Variants in TAF3 observed in about 807,000 individuals in gnomAD.
The protein encoded by TAF3 is transcription initiation factor TFIID subunit 3.
A neutral mutation model predicts 80.6 loss-of-function variants in TAF3; 7 were observed. That is an observed-to-expected ratio of 0.09 (90% CI 0.05 to 0.16). TAF3 has a LOEUF of 0.16. Among genes scored for constraint, TAF3 ranks in the 10% least tolerant of loss-of-function variants. The pLI, the probability that TAF3 is intolerant of heterozygous loss-of-function variation, is 1.00. For synonymous variants in TAF3, 444 were observed against 446.1 expected (o/e 1.00, Z 0.06); for missense variants, 921 against 1,140.2 (o/e 0.81, Z 2.77).
chr10:7,859,260 CAATAAATAAATAAATA>C (rs145110594), intron 2 of TAF3, among the ~76,000 whole-genome samples: 4,311 of 134,300 alleles, frequency 0.032, 111 homozygotes, highest in East Asian at 0.099. Context: ...GACTCCATCT[CAATAAATAAATAAATA>C]AATAAATAAA....
chr10:7,963,132 C>G (rs1183823123), intron 2 of TAF3, among the ~76,000 whole-genome samples: 1 of 152,102 alleles, frequency 6.6e-6, no homozygotes, highest in African/African-American at 2.4e-5. Context: ...TGGCTCACAT[C>G]AAGCAAGCAA....
chr10:7,888,286 C>T (rs1007548675), intron 2 of TAF3, among the ~76,000 whole-genome samples: 2 of 152,198 alleles, frequency 1.3e-5, no homozygotes, highest in African/African-American at 4.8e-5. Flanking sequence ...AAGCTTTCCT[C>T]ACTCTAACCT....
intron 4 of TAF3, among the ~76,000 whole-genome samples, chr10:7,981,756 C>T (rs1423702881): frequency 6.6e-6 from 1 of 152,040 alleles, no homozygotes; most frequent in Non-Finnish European, 1.5e-5. Flanking sequence ...GAATGTGATG[C>T]TTTCCTTTAC....
chr10:7,833,531 TTTC>T (rs1300903636), intron 2 of TAF3: 1 of 152,784 alleles, frequency 6.5e-6, no homozygotes, highest in African/African-American at 2.4e-5. Context: ...TATTGGATTA[TTTC>T]TTTCTGTAGG....
chr10:7,865,132 G>A (rs1298322575), intron 2 of TAF3, among the ~76,000 whole-genome samples: 1 of 152,078 alleles, frequency 6.6e-6, no homozygotes, highest in Non-Finnish European at 1.5e-5. Context: ...TGGGGCCTGG[G>A]GGTCAGGAGC....
chr10:8,000,737 C>T (rs1327790148), intron 4 of TAF3, among the ~76,000 whole-genome samples: 2 of 152,158 alleles, frequency 1.3e-5, no homozygotes, highest in Non-Finnish European at 2.9e-5. Context: ...CAAGATTGCA[C>T]CAGCACACTT....
chr10:7,970,110 G>A (rs558617015), intron 3 of TAF3, among the ~76,000 whole-genome samples: 1 of 152,346 alleles, frequency 6.6e-6, no homozygotes, highest in Admixed American at 6.5e-5. Flanking sequence ...AACAGTTCCT[G>A]AATTTTCATA....
At chr10:8,011,445 T>G (rs1192712164) in intron 5 of TAF3, among the ~76,000 whole-genome samples, 6 of 152,142 alleles carry the variant, frequency 3.9e-5, no homozygotes, top group South Asian at 4.2e-4. Context: ...TGTTTGTTTG[T>G]TTTTGGTTTT....
intron 3 of TAF3, among the ~76,000 whole-genome samples, chr10:7,972,678 T>A (rs1831632219): frequency 6.6e-6 from 1 of 152,230 alleles, no homozygotes; most frequent in Non-Finnish European, 1.5e-5. Flanking sequence ...TTTTGTTTAC[T>A]TAATTTTTAC....
intron 2 of TAF3, among the ~76,000 whole-genome samples, chr10:7,889,095 C>T (rs1837436424): frequency 6.6e-6 from 1 of 152,130 alleles, no homozygotes; most frequent in Admixed American, 6.5e-5. Flanking sequence ...ACTTTATTTA[C>T]TTCATATCCT....
intron 2 of TAF3, among the ~76,000 whole-genome samples, chr10:7,952,208 T>G (rs1838088946): frequency 6.6e-6 from 1 of 152,202 alleles, no homozygotes; most frequent in South Asian, 2.1e-4. Flanking sequence ...AGGAAGATGA[T>G]TAAAATATTA....
chr10:8,012,068 T>G (rs1487752299), intron 5 of TAF3, among the ~76,000 whole-genome samples: 1 of 152,056 alleles, frequency 6.6e-6, no homozygotes, highest in Admixed American at 6.6e-5. Flanking sequence ...TCTCAACTAC[T>G]CAGGAGGCTG....
rs530024052 is a variant in TAF3, at chr10:7,863,684, T to TAC, written c.409+39132_409+39133dup. On this transcript the variant is annotated intron_variant, in intron 2 of 6. Coordinates refer to ENST00000344293, the MANE Select transcript of TAF3 (RefSeq NM_031923.4). Reference sequence around the variant, plus strand: ...ATATATATACACACATATATATATATACACACACATATATATATATACACA... The same window carrying TAC: ...ATATATATACACACATATATATATATACACACACACATATATATATATACACA... Among the ~76,000 whole-genome samples the TAC allele has an allele frequency of 2.7e-3, 179 of 67,268 alleles. 35 individuals are homozygous for TAC. The highest frequency in any genetic ancestry group is 4.5e-3 in the South Asian group (5 of 1,116). The allele number at this position is 67,268 out of a possible 152,430, so 44.1% of individuals were successfully genotyped here.
At chr10:7,832,993 C>T (rs545469429) in intron 2 of TAF3, among the ~76,000 whole-genome samples, 4 of 152,008 alleles carry the variant, frequency 2.6e-5, no homozygotes, top group African/African-American at 9.7e-5. Flanking sequence ...GCCAGGAGTT[C>T]GAGATAAAAT....
intron 2 of TAF3, among the ~76,000 whole-genome samples, chr10:7,866,364 G>A (rs576435654): frequency 2.0e-5 from 3 of 152,314 alleles, no homozygotes; most frequent in African/African-American, 7.2e-5. Flanking sequence ...GAGAATGAAC[G>A]TAGGGGCCTG....
At chr10:8,002,004 C>T (rs1203262556) in intron 4 of TAF3, among the ~76,000 whole-genome samples, 4 of 152,162 alleles carry the variant, frequency 2.6e-5, no homozygotes, top group South Asian at 2.1e-4. Flanking sequence ...CCCCATCCGT[C>T]GATCCTGTGA....
At chr10:7,978,399 CAG>C in intron 4 of TAF3, among the ~76,000 whole-genome samples, 1 of 152,238 alleles carries the variant, frequency 6.6e-6, no homozygotes, top group East Asian at 1.9e-4. Context: ...TGAATGTGAG[CAG>C]AGAGGCAACT....
chr10:7,910,751 T>C (rs998392385), intron 2 of TAF3, among the ~76,000 whole-genome samples: 1 of 152,214 alleles, frequency 6.6e-6, no homozygotes, highest in Non-Finnish European at 1.5e-5. Flanking sequence ...GATGTTAACC[T>C]GGCTACTAAC....
rs775625805 is a variant in TAF3 at position 7,818,828 on chromosome 10, G to A, written c.119G>A (p.Arg40His). The change falls in exon 1 of 7, where the codon CGC becomes CAC. Residue 40 changes from arginine (R) to histidine (H), a missense_variant. Arg to His is a conservative substitution (Grantham distance 29, BLOSUM62 0). Coordinates refer to ENST00000344293, the MANE Select transcript of TAF3 (RefSeq NM_031923.4). ...ACHLLTDVLQRYLQQLGRGCH... is the reference protein window; with the variant it reads ...ACHLLTDVLQHYLQQLGRGCH... Reference sequence around the variant, plus strand: ...CACCTCCTCACGGACGTGCTGCAGCGCTATCTGCAGCAGCTGGGCCGGGGC... The same window carrying A: ...CACCTCCTCACGGACGTGCTGCAGCACTATCTGCAGCAGCTGGGCCGGGGC... 5 of 1,554,878 alleles carry A rather than the reference G, an allele frequency of 3.2e-6. No homozygotes were observed. In the South Asian group the frequency reaches 4.6e-5, roughly 14 times the overall value.
Sources: gnomAD v4.1 joint callset for allele counts (sites outside exome capture counted in the v4.1 genomes callset) on GRCh38, gnomAD v4.1.1 for gene constraint, MANE v1.5 for transcripts, NCBI Gene and HGNC (gene_info 2026-07-23, HGNC 2026-07-21) for gene names.